AGTPBP1: variants seen among roughly 807,000 people sequenced by gnomAD.
AGTPBP1 encodes the protein cytosolic carboxypeptidase 1.
Under a neutral mutation model 143.9 loss-of-function variants are expected in AGTPBP1, and 70 were observed. That is an observed-to-expected ratio of 0.49 (90% CI 0.40 to 0.59). The LOEUF (loss-of-function observed/expected upper bound fraction) is 0.59, where lower values mean the gene tolerates loss of function less well. AGTPBP1 is among the 20% of genes least tolerant of loss of function. The pLI, the probability that AGTPBP1 is intolerant of heterozygous loss-of-function variation, is 0.00. For missense variants in AGTPBP1, 1,229 were observed against 1,464.5 expected, an observed-to-expected ratio of 0.84 and a Z score of 2.62; for synonymous variants, 463 against 500.2, an observed-to-expected ratio of 0.93 and a Z score of 0.99.
At chr9:85,625,714 T>C (rs2133610260) in intron 14 of AGTPBP1, among the ~76,000 whole-genome samples, 1 of 151,660 alleles carries the variant, frequency 6.6e-6, no homozygotes, top group East Asian at 1.9e-4. Context: ...TGAAACCCCA[T>C]CTCTACTAAA....
At chr9:85,712,850 T>C (rs555414327) in intron 1 of AGTPBP1, among the ~76,000 whole-genome samples, 1 of 152,190 alleles carries the variant, frequency 6.6e-6, no homozygotes, top group Non-Finnish European at 1.5e-5. Flanking sequence ...GTTAAGATCT[T>C]TTGAGACAGT....
chr9:85,706,297 G>A (rs559945534), intron 2 of AGTPBP1, among the ~76,000 whole-genome samples: 2 of 149,998 alleles, frequency 1.3e-5, no homozygotes, highest in East Asian at 4.1e-4. Context: ...GGATCACAAG[G>A]TCAGGAGTTC....
At chr9:85,689,925 A>AATATATATATATATAT (rs1554726691) in intron 3 of AGTPBP1, among the ~76,000 whole-genome samples, 16 of 72,488 alleles carry the variant, frequency 2.2e-4, no homozygotes, top group African/African-American at 7.6e-4. Context: ...AAAAAAAAAA[A>AATATATATATATATAT]ATATATATAT....
At chr9:85,624,371 C>A (rs1341158327) in intron 14 of AGTPBP1, among the ~76,000 whole-genome samples, 2 of 152,174 alleles carry the variant, frequency 1.3e-5, no homozygotes, top group Non-Finnish European at 1.5e-5. Flanking sequence ...TGAGCTTCAA[C>A]CTACTCTTCT....
chr9:85,773,937 T>C, the AGTPBP1 span: 1 of 1,601,324 alleles, frequency 6.2e-7, no homozygotes, highest in Non-Finnish European at 8.6e-7. Flanking sequence ...TGAATTAGAA[T>C]CTGCACTGGA....
At position 85,619,295 on chromosome 9, in the gene AGTPBP1, G is replaced by C. The variant is rs755961021; in HGVS notation, c.2106C>G (p.Thr702=). The C allele has an allele frequency of 6.8e-6, 11 of 1,608,526 alleles. No homozygotes were observed. The highest frequency in any genetic ancestry group is 9.3e-6 in the Non-Finnish European group (11 of 1,176,894). ...TCAAAATATCTCCCTCTTCTGGAATGGTGTAACTAAATAAAAGTTTTAAAG... is the reference window on the plus strand; with the variant it reads ...TCAAAATATCTCCCTCTTCTGGAATCGTGTAACTAAATAAAAGTTTTAAAG... ...VVYDLDNPNY[T]IPEEGDILKF... Residue 702 remains threonine (T), a synonymous_variant, in exon 16 of 26, where the codon ACC becomes ACG. Transcript: ENST00000357081.
intron 2 of AGTPBP1, among the ~76,000 whole-genome samples, chr9:85,701,679 T>C (rs1836671662): frequency 6.6e-6 from 1 of 152,170 alleles, no homozygotes; most frequent in Non-Finnish European, 1.5e-5. Context: ...CTCTGACAGA[T>C]TGCTTTATAA....
intron 3 of AGTPBP1, among the ~76,000 whole-genome samples, chr9:85,691,148 G>A (rs1835847949): frequency 6.6e-6 from 1 of 152,086 alleles, no homozygotes. Flanking sequence ...TTCATTAGTT[G>A]CCTTAGTTGA....
intron 6 of AGTPBP1, among the ~76,000 whole-genome samples, chr9:85,675,714 G>C (rs1229876315): frequency 6.6e-6 from 1 of 152,090 alleles, no homozygotes; most frequent in Non-Finnish European, 1.5e-5. Flanking sequence ...AGTTACTGCA[G>C]GTCACTAGTT....
At chr9:85,664,208 T>G (rs1834004623) in intron 8 of AGTPBP1, among the ~76,000 whole-genome samples, 1 of 152,132 alleles carries the variant, frequency 6.6e-6, no homozygotes, top group Non-Finnish European at 1.5e-5. Context: ...CAATAAAGCC[T>G]CTGGGGGTGA....
At chr9:85,696,882 T>C (rs1274051152) in intron 2 of AGTPBP1, among the ~76,000 whole-genome samples, 1 of 152,222 alleles carries the variant, frequency 6.6e-6, no homozygotes, top group Non-Finnish European at 1.5e-5. Context: ...CTATCACTTA[T>C]CAAGCTTTAG....
chr9:85,578,403 G>T (rs1400414597), intron 24 of AGTPBP1, among the ~76,000 whole-genome samples: 1 of 152,156 alleles, frequency 6.6e-6, no homozygotes, highest in Non-Finnish European at 1.5e-5. Flanking sequence ...TTGAGGCCAG[G>T]AGTTTGAGAC....
chr9:85,751,174 T>C, the AGTPBP1 span, among the ~76,000 whole-genome samples: 3 of 152,186 alleles, frequency 2.0e-5, no homozygotes, highest in South Asian at 2.1e-4. Flanking sequence ...CAGAGGACAA[T>C]TGGGAAACAA....
intron 17 of AGTPBP1, among the ~76,000 whole-genome samples, chr9:85,612,250 G>A (rs1208751287): frequency 2.0e-5 from 3 of 152,160 alleles, no homozygotes; most frequent in African/African-American, 7.2e-5. Context: ...ACCAAGTCAT[G>A]ATAAGAAGCT....
the AGTPBP1 span, among the ~76,000 whole-genome samples, chr9:85,753,901 T>G: frequency 0.022 from 3,301 of 152,318 alleles, 34 homozygotes; most frequent in South Asian, 0.034. Flanking sequence ...TTATTATTTT[T>G]CTTTTCTTAA....
Position 85,677,500 on chromosome 9 carries a change from T to G in AGTPBP1, c.372A>C (p.Glu124Asp). The G allele has an allele frequency of 1.2e-6, 2 of 1,604,510 alleles. No homozygotes were observed. The highest frequency in any genetic ancestry group is 1.1e-5 in the South Asian group (1 of 89,654). The change falls in exon 6 of 26, where the codon GAA becomes GAC. Residue 124 changes from glutamate (E) to aspartate (D), a missense_variant. Physicochemically the swap from Glu to Asp is conservative, Grantham distance 45 (BLOSUM62 2). Around this residue, in one of 2 missense-constraint regions of AGTPBP1, gnomAD observed 743 missense variants for 812.2 expected, o/e 0.91. Transcript: ENST00000357081. ...LLQLLMNASK[E>D]SPPHEDLMVQ... ...CCATTAAGTCCTCATGTGGGGGAGA[T>G]TCTTTGCTGGCATTCATAAGTAACT...
chr9:85,628,222 T>C (rs140986998), intron 14 of AGTPBP1, among the ~76,000 whole-genome samples: 2,573 of 152,314 alleles, frequency 0.017, 37 homozygotes, highest in African/African-American at 0.037. Context: ...CATATTGTTT[T>C]GTTGAAATAT....
At chr9:85,696,261 T>G (rs1836231963) in intron 2 of AGTPBP1, among the ~76,000 whole-genome samples, 1 of 152,228 alleles carries the variant, frequency 6.6e-6, no homozygotes, top group Admixed American at 6.5e-5. Context: ...ATTGGAATTT[T>G]GGAAAACACT....
In AGTPBP1 at chr9:85,655,208, T is replaced by C. The variant is rs1833420372; in HGVS notation, c.1022A>G (p.His341Arg). The C allele has an allele frequency of 1.9e-6, 3 of 1,612,982 alleles. No individual in the cohort carries two copies. In the Admixed American group the frequency reaches 5.0e-5, roughly 27 times the overall value. ...CACAGGAATAACAGGCAACTGGAAATGAAAAGAACTTTTAATTGTTGGGAG... is the reference window on the plus strand; with the variant it reads ...CACAGGAATAACAGGCAACTGGAAACGAAAAGAACTTTTAATTGTTGGGAG... ...LPLPTIKSSFHFQLPVIPVTG... is the reference protein window; with the variant it reads ...LPLPTIKSSFRFQLPVIPVTG... Residue 341 changes from histidine to arginine, a missense_variant, in exon 11 of 26, where the codon CAT becomes CGT. Coordinates refer to ENST00000357081, the MANE Select transcript of AGTPBP1 (RefSeq NM_001330701.2).
Sources: gnomAD v4.1 joint callset for allele counts (sites outside exome capture counted in the v4.1 genomes callset) on GRCh38, gnomAD v4.1.1 for gene constraint, gnomAD v4.1.1 regional missense constraint, MANE v1.5 for transcripts, NCBI Gene and HGNC (gene_info 2026-07-23, HGNC 2026-07-21) for gene names.